The following C13orf42 variants were observed in gnomAD, a reference collection of about 807,000 sequenced individuals.
C13orf42 encodes the protein uncharacterized protein C13orf42.
upstream of C13orf42, among the ~76,000 whole-genome samples, chr13:51,113,569 TGTG>T (rs1566129878): frequency 1.4e-3 from 11 of 8,010 alleles, no homozygotes; most frequent in East Asian, 0.022. Context: ...GTGTATTTTG[TGTG>T]TGTGTGTGTG....
intron 1 of C13orf42, among the ~76,000 whole-genome samples, chr13:51,124,965 T>C (rs1953564357): frequency 6.6e-6 from 1 of 152,222 alleles, no homozygotes; most frequent in Non-Finnish European, 1.5e-5. Flanking sequence ...TTTTTCCTTT[T>C]GGTCACACAT....
intron 1 of C13orf42, among the ~76,000 whole-genome samples, chr13:51,100,163 G>T (rs946992334): frequency 4.7e-5 from 7 of 150,474 alleles, no homozygotes; most frequent in South Asian, 4.4e-4. Flanking sequence ...AAAGGGATTG[G>T]TTTTTTTTAA....
Position 51,139,601 on chromosome 13 carries a change from T to C in C13orf42, n.137-26379A>G, listed in dbSNP as rs377049743. Among the ~76,000 whole-genome samples the C allele has an allele frequency of 2.0e-5, 3 of 152,062 alleles. No homozygotes were observed. In the East Asian group the frequency reaches 5.8e-4, roughly 29 times the overall value. Reference sequence around the variant, plus strand: ...CACAAAGACCTTGCTAATAAAACAGTCTGCAGCAAAGAGGTCAGCTAAAAC... The same window carrying C: ...CACAAAGACCTTGCTAATAAAACAGCCTGCAGCAAAGAGGTCAGCTAAAAC... On this transcript the variant is annotated intron_variant and non_coding_transcript_variant, in intron 1 of 4. Transcript: ENST00000433280.
Position 51,171,841 on chromosome 13 carries a change from G to A in C13orf42, n.136+412C>T, listed in dbSNP as rs1032394283. 6 of 152,108 alleles carry A rather than the reference G, an allele frequency of 3.9e-5. No individual in the cohort carries two copies. The East Asian group carries it at 7.7e-4, about 20-fold the overall frequency. The allele number at this position is 152,108 out of a possible 1,614,324, so 9.4% of individuals were successfully genotyped here. ...GCTTGTTTGGCAGCAACCCTGAGAC[G>A]CTTTACAGCCCTAGACCCTAAAAGG... is the stretch of plus-strand genomic sequence containing the variant. On this transcript the variant is annotated intron_variant and non_coding_transcript_variant, in intron 1 of 4. Coordinates refer to the C13orf42 transcript ENST00000433280.
At chr13:51,129,632 T>C (rs1953600591) in intron 1 of C13orf42, among the ~76,000 whole-genome samples, 1 of 152,214 alleles carries the variant, frequency 6.6e-6, no homozygotes, top group African/African-American at 2.4e-5. Flanking sequence ...TTTCTTTCTC[T>C]GTGCAAACCA....
chr13:51,135,476 T>G (rs1184312177), intron 1 of C13orf42, among the ~76,000 whole-genome samples: 1 of 151,100 alleles, frequency 6.6e-6, no homozygotes, highest in Non-Finnish European at 1.5e-5. Context: ...CACAGAGAGA[T>G]CCCATCTATT....
At chr13:51,105,860 T>C (rs9316520) in intron 1 of C13orf42, among the ~76,000 whole-genome samples, 100,089 of 152,090 alleles carry the variant, frequency 0.66, 34,462 homozygotes, top group African/African-American at 0.87. Flanking sequence ...AGTATGAGTT[T>C]CGACATGATA....
intron 1 of C13orf42, among the ~76,000 whole-genome samples, chr13:51,155,481 T>C (rs1953817561): frequency 6.6e-6 from 1 of 151,938 alleles, no homozygotes; most frequent in South Asian, 2.1e-4. Flanking sequence ...ACTCTTCAAG[T>C]ATGAGCGCTG....
intron 1 of C13orf42, among the ~76,000 whole-genome samples, chr13:51,106,866 G>A (rs1450621004): frequency 6.6e-6 from 1 of 152,188 alleles, no homozygotes; most frequent in Admixed American, 6.5e-5. Context: ...TAAACAATGA[G>A]TCCCAAACTG....
chr13:51,154,294 C>T (rs760815865), intron 1 of C13orf42, among the ~76,000 whole-genome samples: 10 of 152,152 alleles, frequency 6.6e-5, no homozygotes, highest in Non-Finnish European at 1.5e-5. Context: ...GCCATGAACA[C>T]GGTATGCAAC....
chr13:51,094,595 C>G (rs1218369941), intron 1 of C13orf42, among the ~76,000 whole-genome samples: 1 of 152,152 alleles, frequency 6.6e-6, no homozygotes, highest in Non-Finnish European at 1.5e-5. Context: ...TTGTGTGGAT[C>G]TAAGTTTCTA....
chr13:51,149,842 CA>C (rs1953766141), intron 1 of C13orf42, among the ~76,000 whole-genome samples: 1 of 152,140 alleles, frequency 6.6e-6, no homozygotes, highest in Non-Finnish European at 1.5e-5. Context: ...CGTTTTTAGG[CA>C]GAGTTGAGAT....
chr13:51,166,646 C>T (rs1212045398), intron 1 of C13orf42, among the ~76,000 whole-genome samples: 1 of 150,504 alleles, frequency 6.6e-6, no homozygotes, highest in East Asian at 1.9e-4. Flanking sequence ...AAACACTGTT[C>T]TTTCCGGTAC....
intron 2 of C13orf42, among the ~76,000 whole-genome samples, chr13:51,087,117 A>G (rs1953135927): frequency 6.6e-6 from 1 of 152,244 alleles, no homozygotes; most frequent in Non-Finnish European, 1.5e-5. Flanking sequence ...GGCAAGTCAA[A>G]GATTAAACAA....
chr13:51,159,229 GGCT>G (rs1223142360), intron 1 of C13orf42, among the ~76,000 whole-genome samples: 1 of 152,102 alleles, frequency 6.6e-6, no homozygotes, highest in Non-Finnish European at 1.5e-5. Context: ...CAACTCTCAG[GGCT>G]GATGATTTAC....
At chr13:51,144,030 G>C (rs553931672) in intron 1 of C13orf42, among the ~76,000 whole-genome samples, 2 of 152,182 alleles carry the variant, frequency 1.3e-5, no homozygotes, top group African/African-American at 4.8e-5. Flanking sequence ...CTTGTCAATT[G>C]TGTCTTTTAA....
At chr13:51,168,220 C>G (rs1351323020) in intron 1 of C13orf42, among the ~76,000 whole-genome samples, 1 of 152,128 alleles carries the variant, frequency 6.6e-6, no homozygotes, top group African/African-American at 2.4e-5. Flanking sequence ...AAAGGAAAGC[C>G]CAGTTTGCAA....
intron 1 of C13orf42, among the ~76,000 whole-genome samples, chr13:51,170,083 C>T (rs926990335): frequency 6.6e-6 from 1 of 152,126 alleles, no homozygotes; most frequent in Non-Finnish European, 1.5e-5. Context: ...CTCATCCTGG[C>T]TCAAAAAGCA....
chr13:51,149,801 G>A (rs545197358), intron 1 of C13orf42, among the ~76,000 whole-genome samples: 1 of 152,214 alleles, frequency 6.6e-6, no homozygotes, highest in East Asian at 1.9e-4. Context: ...CACCTCTCTT[G>A]TCCCTTCCTC....
Sources: allele counts gnomAD v4.1 joint callset (sites outside exome capture counted in the v4.1 genomes callset), GRCh38; gene constraint gnomAD v4.1.1; transcripts MANE v1.5; gene names NCBI Gene and HGNC (gene_info 2026-07-23, HGNC 2026-07-21).